Variants in UNC5A observed in about 807,000 individuals in gnomAD.
UNC5A encodes netrin receptor UNC5A.
UNC5A carries 20 observed loss-of-function variants against 87.4 expected under a neutral mutation model. The observed-to-expected ratio is 0.23, with a 90% CI of 0.16 to 0.33. The LOEUF (loss-of-function observed/expected upper bound fraction) is 0.33, where lower values mean the gene tolerates loss of function less well. Among genes scored for constraint, UNC5A ranks in the 10% least tolerant of loss-of-function variants. UNC5A has a pLI of 1.00. For synonymous variants in UNC5A, 438 were observed against 482.3 expected, an observed-to-expected ratio of 0.91 and a Z score of 1.20; for missense variants, 844 against 1,133.4, an observed-to-expected ratio of 0.74 and a Z score of 3.67.
intron 1 of UNC5A, among the ~76,000 whole-genome samples, chr5:176,811,748 G>T (rs1308423748): frequency 6.6e-6 from 1 of 152,034 alleles, no homozygotes; most frequent in Admixed American, 6.5e-5. Flanking sequence ...GTGGTGGGGG[G>T]TGGGTGCCAT....
intron 4 of UNC5A, 23 bp downstream of exon 4, chr5:176,868,687 C>T (rs745834648): frequency 3.8e-6 from 6 of 1,595,924 alleles, no homozygotes; most frequent in Admixed American, 1.7e-5. Flanking sequence ...CTAGTGCCCA[C>T]GTCTGGACCT....
chr5:176,858,528 G>A (rs1430000486), intron 1 of UNC5A, among the ~76,000 whole-genome samples: 2 of 152,044 alleles, frequency 1.3e-5, no homozygotes, highest in Admixed American at 6.6e-5. Context: ...AACACCCATG[G>A]GAGCCAGATG....
chr5:176,819,283 G>A (rs1485614343), intron 1 of UNC5A, among the ~76,000 whole-genome samples: 1 of 152,198 alleles, frequency 6.6e-6, no homozygotes, highest in South Asian at 2.1e-4. Flanking sequence ...TCACCACACT[G>A]TGCCACAATG....
intron 1 of UNC5A, among the ~76,000 whole-genome samples, chr5:176,853,539 G>A (rs1757596269): frequency 6.6e-6 from 1 of 152,214 alleles, no homozygotes; most frequent in Non-Finnish European, 1.5e-5. Context: ...CTCCGATCTC[G>A]GGGAGGTGGC....
rs1285414321 is a variant in UNC5A at position 176,831,883 on chromosome 5, C to CTTTTTTTTT, written c.70+21064_70+21065insTTTTTTTTT. On this transcript the variant is annotated intron_variant, in intron 1 of 14. Transcript: ENST00000329542. Reference sequence around the variant, plus strand: ...TTTCACTTTCACACACTTTCTCTCTCTCTTTTTTTTTTTTTTTTTTTTTTT... The same window carrying CTTTTTTTTT: ...TTTCACTTTCACACACTTTCTCTCTCTTTTTTTTTTCTTTTTTTTTTTTTTTTTTTTTTT... 1.4e-4 allele frequency among the ~76,000 whole-genome samples: 16 copies of CTTTTTTTTT among 115,310 alleles called. 1 individual carries two copies. The highest frequency in any genetic ancestry group is 5.9e-4 in the African/African-American group (16 of 27,290). The allele number at this position is 115,310 out of a possible 152,430, so 75.6% of individuals were successfully genotyped here. A position where few individuals can be genotyped will look rare whatever the true frequency, so the allele number is the denominator to read the frequency against.
rs770509237 is a variant in UNC5A, at chr5:176,880,174, G to A, written c.*288G>A. On this transcript the variant is annotated 3_prime_UTR_variant, in exon 15 of 15. Transcript: ENST00000329542. Reference sequence around the variant, plus strand: ...AGCCCATCTGTGTGTGTGTATGTGCGTGTGATGCTACCTCTCCTCCCGTCC... The same window carrying A: ...AGCCCATCTGTGTGTGTGTATGTGCATGTGATGCTACCTCTCCTCCCGTCC... The A allele has an allele frequency of 4.5e-5, 17 of 380,504 alleles. No individual in the cohort carries two copies. Among genetic ancestry groups the A allele is most frequent in the South Asian group, 3.8e-4 (10 of 26,482 alleles). The allele number at this position is 380,504 out of a possible 1,614,324, so 23.6% of individuals were successfully genotyped here.
At position 176,865,996 on chromosome 5, in the gene UNC5A, G is replaced by T. The variant is rs1211197680; in HGVS notation, c.293-2134G>T. ...TGTTAAACAAACTGATTGGTTATTA[G>T]ATTGTTTAGAAGCAGATTGCTGAGA... On this transcript the variant is annotated intron_variant, in intron 2 of 14. Transcript: ENST00000329542. The surrounding 1 kb of genome is among the most constrained non-coding windows in gnomAD (Gnocchi z 5.3). Among the ~76,000 whole-genome samples the T allele has an allele frequency of 6.6e-6, 1 of 152,228 alleles. No homozygotes were observed. The highest frequency in any genetic ancestry group is 2.4e-5 in the African/African-American group (1 of 41,464).
intron 1 of UNC5A, among the ~76,000 whole-genome samples, chr5:176,852,995 G>A (rs1757582233): frequency 1.3e-5 from 2 of 152,238 alleles, no homozygotes; most frequent in African/African-American, 2.4e-5. Context: ...GACTGGGAAA[G>A]GGGAGGGAGA....
rs765860909 is a variant in UNC5A, at chr5:176,878,246, G to A, written c.1872G>A (p.Glu624=). ...GCTGACCACCTGGGGCACTGCAGGA[G>A]GTGGTGCAGCTGGAGAAGCAGCTGG... ...CLHDTHDALK[E]VVQLEKQLGG... is the part of the protein sequence containing the mutation. Residue 624 remains glutamate (E), a splice_region_variant and synonymous_variant, in exon 12 of 15, where the codon GAG becomes GAA. Coordinates refer to ENST00000329542, the MANE Select transcript of UNC5A (RefSeq NM_133369.3). 7.4e-6 allele frequency: 12 copies of A among 1,611,328 alleles called. No individual in the cohort carries two copies. Among genetic ancestry groups the A allele is most frequent in the Non-Finnish European group, 1.0e-5 (12 of 1,179,442 alleles).
At chr5:176,828,471 G>A (rs1000950410) in intron 1 of UNC5A, among the ~76,000 whole-genome samples, 1 of 151,990 alleles carries the variant, frequency 6.6e-6, no homozygotes, top group Admixed American at 6.6e-5. Flanking sequence ...AGGAATCAGG[G>A]GACCCAAGAG....
intron 1 of UNC5A, among the ~76,000 whole-genome samples, chr5:176,845,215 C>T (rs1327559055): frequency 6.6e-6 from 1 of 152,146 alleles, no homozygotes; most frequent in African/African-American, 2.4e-5. Flanking sequence ...CCTCCTGTGA[C>T]GATAGCCTCC....
rs749591952 is a variant in UNC5A, at chr5:176,841,093, C to T, written c.71-21531C>T. On this transcript the variant is annotated intron_variant, in intron 1 of 14. Transcript: ENST00000329542. The surrounding 1 kb of genome is among the most constrained non-coding windows in gnomAD (Gnocchi z 4.1). ...ATGCATTGAAAGCTGTGGCAGGCAA[C>T]GGGAGTGTCAGAAACTGTTCTCATC... 2.0e-5 allele frequency among the ~76,000 whole-genome samples: 3 copies of T among 152,208 alleles called. No homozygotes were observed. Among genetic ancestry groups the T allele is most frequent in the Non-Finnish European group, 4.4e-5 (3 of 68,048 alleles).
intron 1 of UNC5A, among the ~76,000 whole-genome samples, chr5:176,858,101 C>T (rs1245581742): frequency 6.6e-5 from 10 of 152,236 alleles, no homozygotes; most frequent in Non-Finnish European, 2.9e-5. Context: ...CCCCGAGGCC[C>T]CAGTTGCTAA....
intron 1 of UNC5A, among the ~76,000 whole-genome samples, chr5:176,849,518 G>A (rs1240940638): frequency 6.6e-6 from 1 of 152,240 alleles, no homozygotes; most frequent in African/African-American, 2.4e-5. Context: ...CAGGGAAGTG[G>A]AGGTTGCAGT....
rs370423295 is a variant in UNC5A at position 176,877,199 on chromosome 5, C to T, written c.1386C>T (p.Ser462=). 4 of 1,611,766 alleles carry T rather than the reference C, an allele frequency of 2.5e-6. No individual in the cohort carries two copies. The African/African-American group carries it at 5.3e-5, about 22-fold the overall frequency. ...GRLMIPNTGI[S]LLIPPDAIPR... ...CTCTTCCTGCCGTTCCAGGAATCAGCCTCCTCATCCCCCCAGATGCCATAC... is the reference window on the plus strand; with the variant it reads ...CTCTTCCTGCCGTTCCAGGAATCAGTCTCCTCATCCCCCCAGATGCCATAC... The change falls in exon 9 of 15, where the codon AGC becomes AGT. Residue 462 remains serine, a synonymous_variant. Coordinates refer to ENST00000329542, the MANE Select transcript of UNC5A (RefSeq NM_133369.3).
rs546011035 is a variant in UNC5A at position 176,831,589 on chromosome 5, G to A, written c.70+20769G>A. Among the ~76,000 whole-genome samples the A allele has an allele frequency of 3.3e-4, 50 of 152,286 alleles. 2 individuals carry two copies. The highest frequency in any genetic ancestry group is 1.2e-3 in the South Asian group (6 of 4,826). On this transcript the variant is annotated intron_variant, in intron 1 of 14. Coordinates refer to ENST00000329542, the MANE Select transcript of UNC5A (RefSeq NM_133369.3). ...CTGGTTTTCCCTGACAGGCCCTCTC[G>A]CCACCACTCGGCTCTGCTGTGCACC... is the stretch of plus-strand genomic sequence containing the variant.
Position 176,844,642 on chromosome 5 carries a change from C to G in UNC5A, c.71-17982C>G, listed in dbSNP as rs927907983. On this transcript the variant is annotated intron_variant, in intron 1 of 14. Transcript: ENST00000329542. This position sits in a 1 kb window ranked among gnomAD's most constrained non-coding sequence, Gnocchi z 4.2. ...AATTCTTCAACAGGAGGTGGGAAAC[C>G]ATTGTTTCTGTGCAACTTCCTAGTC... is the stretch of plus-strand genomic sequence containing the variant. 3.9e-5 allele frequency among the ~76,000 whole-genome samples: 6 copies of G among 152,200 alleles called. No homozygotes were observed. The highest frequency in any genetic ancestry group is 2.0e-4 in the Admixed American group (3 of 15,282).
chr5:176,870,490 C>T lies in UNC5A; in HGVS notation c.842C>T (p.Thr281Ile), dbSNP rs140722981. The T allele has an allele frequency of 5.6e-6, 9 of 1,609,300 alleles. No individual in the cohort carries two copies. The African/African-American group carries it at 1.2e-4, about 21-fold the overall frequency. ...PRNGGEECQGTDLDTRNCTSD... is the reference protein window; with the variant it reads ...PRNGGEECQGIDLDTRNCTSD... ...AACGGAGGGGAGGAGTGCCAGGGCA[C>T]TGACCTGGACACCCGCAACTGTACC... Residue 281 changes from threonine to isoleucine, a missense_variant, in exon 6 of 15, where the codon ACT (threonine) becomes ATT (isoleucine). By Grantham distance (89) the Thr-to-Ile change is moderately conservative. Coordinates refer to ENST00000329542, the MANE Select transcript of UNC5A (RefSeq NM_133369.3).
chr5:176,841,100 G>A lies in UNC5A; in HGVS notation c.71-21524G>A, dbSNP rs1757265849. 6.6e-6 allele frequency among the ~76,000 whole-genome samples: 1 copy of A among 152,246 alleles called. No individual in the cohort carries two copies. Among genetic ancestry groups the A allele is most frequent in the African/African-American group, 2.4e-5 (1 of 41,462 alleles). On this transcript the variant is annotated intron_variant, in intron 1 of 14. Coordinates refer to ENST00000329542, the MANE Select transcript of UNC5A (RefSeq NM_133369.3). The surrounding 1 kb of genome is among the most constrained non-coding windows in gnomAD (Gnocchi z 4.1). ...GAAAGCTGTGGCAGGCAACGGGAGTGTCAGAAACTGTTCTCATCTCTTCAG... is the reference window on the plus strand; with the variant it reads ...GAAAGCTGTGGCAGGCAACGGGAGTATCAGAAACTGTTCTCATCTCTTCAG...
Sources: gnomAD v4.1 joint callset for allele counts (sites outside exome capture counted in the v4.1 genomes callset) on GRCh38, gnomAD v4.1.1 for gene constraint, Gnocchi (gnomAD v3.1) non-coding constraint, MANE v1.5 for transcripts, NCBI Gene and HGNC (gene_info 2026-07-23, HGNC 2026-07-21) for gene names.